WDR70: variants seen among roughly 807,000 people sequenced by gnomAD.
The protein encoded by WDR70 is WD repeat-containing protein 70.
WDR70 carries 53 observed loss-of-function variants against 88.6 expected under a neutral mutation model. That is an observed-to-expected ratio of 0.60 (90% CI 0.48 to 0.75). The LOEUF (loss-of-function observed/expected upper bound fraction) is 0.75. WDR70 is among the 30% of genes least tolerant of loss of function. The pLI, the probability that WDR70 is intolerant of heterozygous loss-of-function variation, is 0.00. For missense variants in WDR70, 610 were observed against 823.2 expected (o/e 0.74, Z 3.17); for synonymous variants, 280 against 270.0 (o/e 1.04, Z -0.36).
chr5:37,682,376 T>G (rs1746464192), intron 10 of WDR70, among the ~76,000 whole-genome samples: 1 of 152,086 alleles, frequency 6.6e-6, no homozygotes, highest in Non-Finnish European at 1.5e-5. Flanking sequence ...AACCAACTCT[T>G]AGATTCATTG....
chr5:37,650,124 G>A (rs1192934091), intron 10 of WDR70, among the ~76,000 whole-genome samples: 4 of 150,208 alleles, frequency 2.7e-5, no homozygotes, highest in Admixed American at 6.6e-5. Flanking sequence ...TGGGCCGGGC[G>A]CAGTGGCTCA....
chr5:37,451,769 G>A (rs553186301), intron 7 of WDR70, among the ~76,000 whole-genome samples: 1 of 152,252 alleles, frequency 6.6e-6, no homozygotes, highest in Non-Finnish European at 1.5e-5. Flanking sequence ...GCCAAGGCAG[G>A]CGGATCATGA....
At chr5:37,420,314 A>G (rs1749906087) in intron 5 of WDR70, among the ~76,000 whole-genome samples, 1 of 152,264 alleles carries the variant, frequency 6.6e-6, no homozygotes, top group Non-Finnish European at 1.5e-5. Flanking sequence ...GAACAGACAT[A>G]TCAATTTGCA....
At position 37,398,853 on chromosome 5, in the gene WDR70, A is replaced by G. The variant is rs150784654; in HGVS notation, c.492+2283A>G. ...CTTTTAAATATCTCTGTAGGTTGAA[A>G]TATTTTGACTGGGCACTGTGGCGCA... On this transcript the variant is annotated intron_variant, in intron 5 of 17. Transcript: ENST00000265107. Among the ~76,000 whole-genome samples, 904 of 152,302 alleles carry G rather than the reference A, an allele frequency of 5.9e-3. 17 individuals are homozygous for G. Among genetic ancestry groups the G allele is most frequent in the African/African-American group, 0.021 (883 of 41,554 alleles).
chr5:37,688,514 G>C (rs1236446146), intron 10 of WDR70, among the ~76,000 whole-genome samples: 1 of 152,006 alleles, frequency 6.6e-6, no homozygotes, highest in African/African-American at 2.4e-5. Context: ...GGACTTTTGG[G>C]TAAACTGCTA....
intron 9 of WDR70, among the ~76,000 whole-genome samples, chr5:37,545,339 A>AT (rs1281088197): frequency 3.3e-5 from 5 of 152,092 alleles, no homozygotes; most frequent in Admixed American, 2.6e-4. Flanking sequence ...ATAGTGTGTG[A>AT]TTTTTTGATA....
chr5:37,537,489 A>G (rs1056930513), intron 9 of WDR70, among the ~76,000 whole-genome samples: 2 of 152,202 alleles, frequency 1.3e-5, no homozygotes, highest in African/African-American at 4.8e-5. Flanking sequence ...AATGACCGCT[A>G]CTACTCCACA....
At chr5:37,530,563 G>T (rs596585) in intron 9 of WDR70, among the ~76,000 whole-genome samples, 112,143 of 151,758 alleles carry the variant, frequency 0.74, 42,013 homozygotes, top group African/African-American at 0.87. Context: ...TTTATCCATC[G>T]CCTCTAGTTT....
At chr5:37,384,485 C>T (rs1315495232) in intron 3 of WDR70, among the ~76,000 whole-genome samples, 5 of 151,254 alleles carry the variant, frequency 3.3e-5, no homozygotes, top group Admixed American at 3.3e-4. Flanking sequence ...ATGGTGAAAC[C>T]CTGTCTCTAC....
chr5:37,400,477 G>C (rs1333476703), intron 5 of WDR70, among the ~76,000 whole-genome samples: 1 of 152,032 alleles, frequency 6.6e-6, no homozygotes, highest in Non-Finnish European at 1.5e-5. Flanking sequence ...TACTTCCACT[G>C]ATCTCATAGA....
In WDR70 at chr5:37,671,901, G is replaced by C. The variant is rs370089181; in HGVS notation, c.1093-25754G>C. ...TTTTTTGGGGGGGACTTTTCCTGTAGGGAAAAAGAGATCAGACTGTTACTG... is the reference window on the plus strand; with the variant it reads ...TTTTTTGGGGGGGACTTTTCCTGTACGGAAAAAGAGATCAGACTGTTACTG... On this transcript the variant is annotated intron_variant, in intron 10 of 17. Coordinates refer to ENST00000265107, the MANE Select transcript of WDR70 (RefSeq NM_018034.4). Among the ~76,000 whole-genome samples the C allele has an allele frequency of 7.2e-5, 11 of 152,150 alleles. No individual in the cohort carries two copies. In the East Asian group the frequency reaches 2.1e-3, roughly 29 times the overall value.
chr5:37,709,723 T>C (rs1356148164), intron 13 of WDR70, among the ~76,000 whole-genome samples: 1 of 152,232 alleles, frequency 6.6e-6, no homozygotes. Flanking sequence ...CACTCAGTAC[T>C]GCTATCTCTA....
At chr5:37,424,620 AGCTG>A in intron 5 of WDR70, among the ~76,000 whole-genome samples, 1 of 151,886 alleles carries the variant, frequency 6.6e-6, no homozygotes, top group Non-Finnish European at 1.5e-5. Flanking sequence ...CTGTTGCCCA[AGCTG>A]GACTTGGACT....
chr5:37,454,502 TA>T (rs1211337709), intron 7 of WDR70, among the ~76,000 whole-genome samples: 1 of 152,072 alleles, frequency 6.6e-6, no homozygotes, highest in Non-Finnish European at 1.5e-5. Flanking sequence ...AGAGTTCAAA[TA>T]AATAAAAAAA....
Position 37,721,427 on chromosome 5 carries a change from A to C in WDR70, c.1517+212A>C, listed in dbSNP as rs1487123094. 1.9e-5 allele frequency: 11 copies of C among 572,622 alleles called. No individual in the cohort carries two copies. The Admixed American group carries it at 3.3e-4, about 17-fold the overall frequency. The allele number at this position is 572,622 out of a possible 1,614,324, so 35.5% of individuals were successfully genotyped here. Reference sequence around the variant, plus strand: ...TGATCCACACTGAATTCAAAGCGAAAGTTTCCTGGGAATTTGCAGTTGTTT... The same window carrying C: ...TGATCCACACTGAATTCAAAGCGAACGTTTCCTGGGAATTTGCAGTTGTTT... On this transcript the variant is annotated intron_variant, in intron 14 of 17. Coordinates refer to ENST00000265107, the MANE Select transcript of WDR70 (RefSeq NM_018034.4).
At chr5:37,558,120 A>G (rs991169745) in intron 9 of WDR70, among the ~76,000 whole-genome samples, 1 of 151,930 alleles carries the variant, frequency 6.6e-6, no homozygotes, top group South Asian at 2.1e-4. Context: ...TTAAAATTCT[A>G]TAAGAATTTC....
chr5:37,680,718 G>A (rs1018018018), intron 10 of WDR70, among the ~76,000 whole-genome samples: 4 of 152,092 alleles, frequency 2.6e-5, no homozygotes, highest in African/African-American at 9.7e-5. Flanking sequence ...TAGGAGTGTG[G>A]CCTTATTTCT....
intron 9 of WDR70, among the ~76,000 whole-genome samples, chr5:37,535,266 G>A (rs1184959618): frequency 6.6e-6 from 1 of 151,848 alleles, no homozygotes; most frequent in Non-Finnish European, 1.5e-5. Context: ...AAAGGAGGCA[G>A]CCACAGGGAA....
chr5:37,573,288 A>G (rs1276491016), intron 9 of WDR70, among the ~76,000 whole-genome samples: 2 of 152,082 alleles, frequency 1.3e-5, no homozygotes, highest in Non-Finnish European at 1.5e-5. Flanking sequence ...GGTCATTTCA[A>G]TCAACTTATT....
Sources: gnomAD v4.1 joint callset for allele counts (sites outside exome capture counted in the v4.1 genomes callset) on GRCh38, gnomAD v4.1.1 for gene constraint, MANE v1.5 for transcripts, NCBI Gene and HGNC (gene_info 2026-07-23, HGNC 2026-07-21) for gene names.